The following EEF1A1 variants were observed in gnomAD, a reference collection of about 807,000 sequenced individuals.
EEF1A1 encodes elongation factor 1-alpha 1.
Under a neutral mutation model 38.5 loss-of-function variants are expected in EEF1A1, and 1 was observed. The ratio of observed to expected loss-of-function variants is 0.03; its 90% CI spans 0.01 to 0.12. EEF1A1 has a LOEUF of 0.12. Among genes scored for constraint, EEF1A1 ranks in the 10% least tolerant of loss-of-function variants. The pLI is 1.00. For missense variants in EEF1A1, 184 were observed against 588.3 expected (o/e 0.31, Z 7.11); for synonymous variants, 229 against 203.7 (o/e 1.12, Z -1.06).
chr6:73,517,694 G>A lies in EEF1A1; in HGVS notation c.*116C>T, dbSNP rs1368733902. 1.2e-5 allele frequency: 7 copies of A among 568,124 alleles called. No individual in the cohort carries two copies. Among genetic ancestry groups the A allele is most frequent in the Non-Finnish European group, 2.1e-5 (7 of 326,782 alleles). 35.2% of individuals were successfully genotyped at this position (568,124 alleles called of 1,614,324 possible). On this transcript the variant is annotated 3_prime_UTR_variant, in exon 8 of 8. Transcript: ENST00000309268. The stretch of plus-strand genomic sequence containing the variant: ...CCTTCTGAAGGTTTTACGATGCATT[G>A]TTATCATTAACCAGTCTTTTACTAC...
At position 73,517,504 on chromosome 6, in the gene EEF1A1, GA is replaced by G. The variant is rs1238673130; in HGVS notation, c.*305del. The G allele has an allele frequency of 6.5e-6, 2 of 306,950 alleles. No homozygotes were observed. The highest frequency in any genetic ancestry group is 1.2e-4 in the East Asian group (2 of 16,096). The allele number at this position is 306,950 out of a possible 1,614,324, so 19.0% of individuals were successfully genotyped here. A position where few individuals can be genotyped will look rare whatever the true frequency, so the allele number is the denominator to read the frequency against. ...CTAAATGTCTCGGTGTTGACCAAAGGAACACACAGGTTTCTCATTTAACTTT... is the reference window on the plus strand; with the variant it reads ...CTAAATGTCTCGGTGTTGACCAAAGGACACACAGGTTTCTCATTTAACTTT... On this transcript the variant is annotated 3_prime_UTR_variant, in exon 8 of 8. Transcript: ENST00000309268.
At position 73,518,015 on chromosome 6, in the gene EEF1A1, A is replaced by C; in HGVS notation, c.1264+15T>G. 6.2e-7 allele frequency: 1 copy of C among 1,606,090 alleles called. No individual in the cohort carries two copies. The highest frequency in any genetic ancestry group is 8.5e-7 in the Non-Finnish European group (1 of 1,175,270). On this transcript the variant is annotated intron_variant, in intron 7 of 7. Coordinates refer to ENST00000309268, the MANE Select transcript of EEF1A1 (RefSeq NM_001402.6). ...CTTTAACACAACTTTTTTACATTTA[A>C]GTAGTCATCCTTACCCAAAGGTGGA... is the stretch of plus-strand genomic sequence containing the variant.
chr6:73,520,908 A>C (rs1238040805), intron 1 of EEF1A1, 92 bp downstream of exon 1: 2 of 152,762 alleles, frequency 1.3e-5, no homozygotes, highest in African/African-American at 4.8e-5. Flanking sequence ...AGAATCACGT[A>C]CTGCAGCCAG....
In EEF1A1 at chr6:73,517,777, T is replaced by C; in HGVS notation, c.*33A>G. ...CTGAGACCGTTCTTCCACCACTGATTAAGAGTGGGGTGGCAGGTATTAGGG... is the reference window on the plus strand; with the variant it reads ...CTGAGACCGTTCTTCCACCACTGATCAAGAGTGGGGTGGCAGGTATTAGGG... On this transcript the variant is annotated 3_prime_UTR_variant, in exon 8 of 8. Coordinates refer to ENST00000309268, the MANE Select transcript of EEF1A1 (RefSeq NM_001402.6). The C allele has an allele frequency of 8.1e-7, 1 of 1,241,190 alleles. No homozygotes were observed. Among genetic ancestry groups the C allele is most frequent in the Non-Finnish European group, 1.1e-6 (1 of 877,964 alleles). 76.9% of individuals were successfully genotyped at this position (1,241,190 alleles called of 1,614,324 possible).
chr6:73,520,087 T>C (rs1765614302), intron 1 of EEF1A1, 31 bp from the exon 2 acceptor site: 1 of 1,550,474 alleles, frequency 6.4e-7, no homozygotes, highest in Non-Finnish European at 8.6e-7. Context: ...TTTGAACCAC[T>C]GTCTGAGGCT....
In EEF1A1 at chr6:73,516,611, CACAA is replaced by C. The variant is rs1322725946; in HGVS notation, c.*1195_*1198del. Reference sequence around the variant, plus strand: ...TAAAAAAAATTTTTAAAAACCATCACACAAACAGAAAGCATGTCCTTTAATTTTA... The same window carrying C: ...TAAAAAAAATTTTTAAAAACCATCACACAGAAAGCATGTCCTTTAATTTTA... On this transcript the variant is annotated 3_prime_UTR_variant, in exon 8 of 8. Transcript: ENST00000309268. 1 of 152,058 alleles carries C rather than the reference CACAA, an allele frequency of 6.6e-6. No individual in the cohort carries two copies. The allele number at this position is 152,058 out of a possible 1,614,324, so 9.4% of individuals were successfully genotyped here.
chr6:73,520,715 C>A (rs1765634174), intron 1 of EEF1A1: 1 of 152,376 alleles, frequency 6.6e-6, no homozygotes, highest in Non-Finnish European at 1.5e-5. Flanking sequence ...AGCAGGTCAT[C>A]AAAAATTTTA....
intron 1 of EEF1A1, chr6:73,520,383 G>GC: frequency 5.5e-6 from 1 of 180,184 alleles, no homozygotes; most frequent in Non-Finnish European, 1.2e-5. Flanking sequence ...CCCGAGCGCC[G>GC]CGTCCTCCAT....
In EEF1A1 at chr6:73,518,987, G is replaced by C. The variant is rs1554152851; in HGVS notation, c.566C>G (p.Ala189Gly). 17 of 1,603,148 alleles carry C rather than the reference G, an allele frequency of 1.1e-5. No individual in the cohort carries two copies. In the South Asian group the frequency reaches 1.9e-4, roughly 18 times the overall value. ...ATTCCAACCAGAAATTGGCACAAAT[G>C]CTACTGTGTCGGGGTTGTAGCCAAT... is the stretch of plus-strand genomic sequence containing the variant. ...KKIGYNPDTV[A>G]FVPISGWNGD... The change falls in exon 4 of 8, where the codon GCA (alanine) becomes GGA (glycine). Residue 189 changes from alanine (A) to glycine (G), a missense_variant. Ala to Gly is a moderately conservative substitution (Grantham distance 60). Coordinates refer to ENST00000309268, the MANE Select transcript of EEF1A1 (RefSeq NM_001402.6).
intron 5 of EEF1A1, 35 bp downstream of exon 5, chr6:73,518,663 C>T: frequency 6.2e-7 from 1 of 1,613,058 alleles, no homozygotes; most frequent in South Asian, 1.1e-5. Flanking sequence ...AGTACTCTAT[C>T]AACTCAAATT....
chr6:73,520,195 G>T, intron 1 of EEF1A1, 139 bp from the exon 2 acceptor site: 1 of 739,558 alleles, frequency 1.4e-6, no homozygotes, highest in Non-Finnish European at 2.1e-6. Flanking sequence ...CCCACTCAGT[G>T]TGGGGAAACT....
chr6:73,518,711 G>C lies in EEF1A1; in HGVS notation c.759C>G (p.Val253=). 3 of 1,614,040 alleles carry C rather than the reference G, an allele frequency of 1.9e-6. No homozygotes were observed. The highest frequency in any genetic ancestry group is 2.5e-6 in the Non-Finnish European group (3 of 1,179,950). ...CAGCCAACTTACCACCAATTTTGTA[G>C]ACATCCTGGAGAGGCAGGCGCAAGG... ...DKPLRLPLQD[V]YKIGGIGTVP... is the part of the protein sequence containing the mutation. The change falls in exon 5 of 8, where the codon GTC becomes GTG. Residue 253 remains valine, a synonymous_variant. Transcript: ENST00000309268.
Position 73,517,801 on chromosome 6 carries a change from GGAT to G in EEF1A1, c.*6_*8del. The G allele has an allele frequency of 6.8e-7, 1 of 1,470,222 alleles. No homozygotes were observed. The highest frequency in any genetic ancestry group is 1.2e-5 in the South Asian group (1 of 85,682). 91.1% of individuals were successfully genotyped at this position (1,470,222 alleles called of 1,614,324 possible). Reference sequence around the variant, plus strand: ...TTAAGAGTGGGGTGGCAGGTATTAGGGATAATATTCATTTAGCCTTCTGAGCTT... The same window carrying G: ...TTAAGAGTGGGGTGGCAGGTATTAGGAATATTCATTTAGCCTTCTGAGCTT... On this transcript the variant is annotated 3_prime_UTR_variant, in exon 8 of 8. Transcript: ENST00000309268.
At position 73,516,579 on chromosome 6, in the gene EEF1A1, TC is replaced by T. The variant is rs1210799423; in HGVS notation, c.*1230del. On this transcript the variant is annotated 3_prime_UTR_variant, in exon 8 of 8. Transcript: ENST00000309268. ...GCATTCTAGCCTGGGCAACAAGAAC[TC>T]CATCTTAAAAAAAATTTTTAAAAAC... is the stretch of plus-strand genomic sequence containing the variant. 1 of 151,944 alleles carries T rather than the reference TC, an allele frequency of 6.6e-6. No individual in the cohort carries two copies. Among genetic ancestry groups the T allele is most frequent in the African/African-American group, 2.4e-5 (1 of 41,326 alleles). 9.4% of individuals were successfully genotyped at this position (151,944 alleles called of 1,614,324 possible).
At position 73,518,596 on chromosome 6, in the gene EEF1A1, G is replaced by T. The variant is rs1765580879; in HGVS notation, c.787C>A (p.Pro263Thr). The T allele has an allele frequency of 6.2e-7, 1 of 1,613,262 alleles. No homozygotes were observed. The change falls in exon 6 of 8, where the codon CCT becomes ACT. Residue 263 changes from proline (P) to threonine (T), a missense_variant. By Grantham distance (38) the Pro-to-Thr change is conservative. Coordinates refer to ENST00000309268, the MANE Select transcript of EEF1A1 (RefSeq NM_001402.6). ...VYKIGGIGTV[P>T]VGRVETGVLK... The stretch of plus-strand genomic sequence containing the variant: ...ACACCAGTCTCCACTCGGCCAACAG[G>T]AACAGTACCAATACCTAAAAATATT...
Position 73,518,278 on chromosome 6 carries a change from T to C in EEF1A1, c.1030-14A>G, listed in dbSNP as rs760444467. On this transcript the variant is annotated splice_polypyrimidine_tract_variant and intron_variant, in intron 6 of 7. Transcript: ENST00000309268. ...CAGGATAATCACCTTGGAAAAAAGATTTGCATTCAGTGCAAATCCAAAGTC... is the reference window on the plus strand; with the variant it reads ...CAGGATAATCACCTTGGAAAAAAGACTTGCATTCAGTGCAAATCCAAAGTC... 4 of 1,611,192 alleles carry C rather than the reference T, an allele frequency of 2.5e-6. No homozygotes were observed. Among genetic ancestry groups the C allele is most frequent in the East Asian group, 4.5e-5 (2 of 44,772 alleles).
chr6:73,519,610 A>G, intron 2 of EEF1A1, 94 bp from the exon 3 acceptor site: 3 of 1,379,960 alleles, frequency 2.2e-6, no homozygotes, highest in Non-Finnish European at 2.9e-6. Context: ...TTTCCACTTT[A>G]CAACTCCAAG....
Position 73,519,340 on chromosome 6 carries a change from A to G in EEF1A1, c.321T>C (p.Ser107=), listed in dbSNP as rs143442302. The G allele has an allele frequency of 1.2e-6, 2 of 1,611,400 alleles. No homozygotes were observed. The highest frequency in any genetic ancestry group is 2.2e-5 in the East Asian group (1 of 44,842). Residue 107 remains serine (S), a synonymous_variant, in exon 3 of 8, where the codon TCT becomes TCC. Transcript: ENST00000309268. ...DFIKNMITGT[S]QADCAVLIVA... ...TAGAATTATTAATCCCACCAACCTG[A>G]GATGTCCCTGTAATCATGTTTTTGA... is the stretch of plus-strand genomic sequence containing the variant.
Position 73,516,424 on chromosome 6 carries a change from A to C in EEF1A1, c.*1386T>G, listed in dbSNP as rs1471647434. The C allele has an allele frequency of 2.0e-5, 3 of 152,136 alleles. No homozygotes were observed. The highest frequency in any genetic ancestry group is 2.9e-5 in the Non-Finnish European group (2 of 68,036). The allele number at this position is 152,136 out of a possible 1,614,324, so 9.4% of individuals were successfully genotyped here. A position where few individuals can be genotyped will look rare whatever the true frequency, so the allele number is the denominator to read the frequency against. On this transcript the variant is annotated 3_prime_UTR_variant, in exon 8 of 8. Transcript: ENST00000309268. Reference sequence around the variant, plus strand: ...CAGGAGTTTGAGACCAGCCTGACCAACATGGAAAAACCTCATCTCTATTAA... The same window carrying C: ...CAGGAGTTTGAGACCAGCCTGACCACCATGGAAAAACCTCATCTCTATTAA...
Sources: allele counts gnomAD v4.1 joint callset, GRCh38; gene constraint gnomAD v4.1.1; transcripts MANE v1.5; gene names NCBI Gene and HGNC (gene_info 2026-07-23, HGNC 2026-07-21).